The following IQCH variants were observed in gnomAD, a reference collection of about 807,000 sequenced individuals.
IQCH encodes IQ motif containing H, also known as IQ domain-containing protein H.
A neutral mutation model predicts 117.0 loss-of-function variants in IQCH; 98 were observed. The observed-to-expected ratio is 0.84, with a 90% CI of 0.71 to 0.99. IQCH has a LOEUF of 0.99. Ranked by LOEUF, IQCH falls within the 50% of genes least tolerant of loss-of-function variation. The probability of loss-of-function intolerance (pLI) is 0.00; values close to 1 mark genes in which losing one functional copy is unlikely to be tolerated. For missense variants in IQCH, 1,102 were observed against 1,243.8 expected (o/e 0.89, Z 1.72); for synonymous variants, 412 against 448.2 (o/e 0.92, Z 1.02).
At chr15:67,315,471 T>A (rs1204912393) in intron 4 of IQCH, among the ~76,000 whole-genome samples, 3 of 152,176 alleles carry the variant, frequency 2.0e-5, no homozygotes, top group African/African-American at 7.2e-5. Context: ...TACTATCTGC[T>A]TGGGGTTGAC....
intron 20 of IQCH, among the ~76,000 whole-genome samples, chr15:67,495,500 T>C (rs2083780861): frequency 6.6e-6 from 1 of 152,240 alleles, no homozygotes; most frequent in South Asian, 2.1e-4. Context: ...TTGCCCAGCC[T>C]ATCATTTACA....
At chr15:67,452,249 G>A (rs1384207401) in intron 16 of IQCH, among the ~76,000 whole-genome samples, 1 of 152,200 alleles carries the variant, frequency 6.6e-6, no homozygotes, top group African/African-American at 2.4e-5. Flanking sequence ...TGTTAGGTGT[G>A]AATTCAATCC....
chr15:67,363,284 G>A (rs1404087944), intron 8 of IQCH, among the ~76,000 whole-genome samples: 4 of 148,398 alleles, frequency 2.7e-5, no homozygotes, highest in Non-Finnish European at 5.9e-5. Context: ...CACCCAGGTG[G>A]GAGTGCAGTG....
At position 67,385,542 on chromosome 15, in the gene IQCH, T is replaced by A. The variant is rs1167193380; in HGVS notation, c.1456+523T>A. 6.6e-6 allele frequency among the ~76,000 whole-genome samples: 1 copy of A among 152,166 alleles called. No homozygotes were observed. The highest frequency in any genetic ancestry group is 1.9e-4 in the East Asian group (1 of 5,200). ...GCTTAATGGAGGGAATTTTTAGAAA[T>A]ACAGACCTTGATTCAGTGATGTATA... On this transcript the variant is annotated intron_variant, in intron 11 of 20. Transcript: ENST00000335894. This position sits in a 1 kb window ranked among gnomAD's most constrained non-coding sequence, Gnocchi z 4.6.
intron 4 of IQCH, among the ~76,000 whole-genome samples, chr15:67,285,738 G>A (rs1208520944): frequency 6.6e-6 from 1 of 151,924 alleles, no homozygotes; most frequent in African/African-American, 2.4e-5. Flanking sequence ...TTTTTGTCAG[G>A]TTTGTCAAAG....
intron 3 of IQCH, among the ~76,000 whole-genome samples, chr15:67,268,913 A>C (rs1319311594): frequency 2.7e-5 from 4 of 148,676 alleles, no homozygotes; most frequent in Non-Finnish European, 6.0e-5. Context: ...AAACAAAAAA[A>C]CAAACTTTTA....
rs1407412910 is a variant in IQCH at position 67,490,426 on chromosome 15, G to A, written c.2861+362G>A. Among the ~76,000 whole-genome samples the A allele has an allele frequency of 3.3e-5, 5 of 152,034 alleles. No individual in the cohort carries two copies. The East Asian group carries it at 5.8e-4, about 18-fold the overall frequency. On this transcript the variant is annotated intron_variant, in intron 19 of 20. Coordinates refer to ENST00000335894, the MANE Select transcript of IQCH (RefSeq NM_001031715.3). The surrounding 1 kb of genome is among the most constrained non-coding windows in gnomAD (Gnocchi z 4.9). The stretch of plus-strand genomic sequence containing the variant: ...TCATCATGTTGGCCAGGATGGTCTC[G>A]ATCTCTTGACCTCGTGATGCACCCA...
At position 67,373,149 on chromosome 15, in the gene IQCH, TTC is replaced by T. The variant is rs1252412128; in HGVS notation, c.1306-216_1306-215del. Reference sequence around the variant, plus strand: ...TTGCTTTCTCTTTTTTTCATTCATATTCTGTTAATTAAGTGAGCTGCCTCTAA... The same window carrying T: ...TTGCTTTCTCTTTTTTTCATTCATATTGTTAATTAAGTGAGCTGCCTCTAA... On this transcript the variant is annotated intron_variant, in intron 9 of 20. Transcript: ENST00000335894. 2.0e-5 allele frequency among the ~76,000 whole-genome samples: 3 copies of T among 152,210 alleles called. No homozygotes were observed. In the East Asian group the frequency reaches 5.8e-4, roughly 29 times the overall value.
At position 67,395,373 on chromosome 15, in the gene IQCH, A is replaced by G; in HGVS notation, c.1715A>G (p.Glu572Gly). Residue 572 changes from glutamate (E) to glycine (G), a missense_variant, in exon 13 of 21, where the codon GAG (glutamate) becomes GGG (glycine). Transcript: ENST00000335894. The surrounding 1 kb of genome is among the most constrained non-coding windows in gnomAD (Gnocchi z 4.0). ...ATAAAAAATCTCATCCGAGGAACAG[A>G]GGCCTACATCGTCAGCGGGCTCCTC... ...KRIKNLIRGT[E>G]AYIVSGLLHR... 1 of 1,614,098 alleles carries G rather than the reference A, an allele frequency of 6.2e-7. No homozygotes were observed. Among genetic ancestry groups the G allele is most frequent in the Non-Finnish European group, 8.5e-7 (1 of 1,179,982 alleles).
chr15:67,279,033 C>T lies in IQCH; in HGVS notation c.270-362C>T, dbSNP rs192436214. 1.6e-3 allele frequency among the ~76,000 whole-genome samples: 250 copies of T among 152,114 alleles called. 1 individual carries two copies. Among genetic ancestry groups the T allele is most frequent in the Non-Finnish European group, 1.8e-3 (119 of 67,980 alleles). ...GGACCATCATTTTGTATATATTTAA[C>T]GTTGGTTATACTGTAATTTGATTTT... is the stretch of plus-strand genomic sequence containing the variant. On this transcript the variant is annotated intron_variant, in intron 3 of 20. Transcript: ENST00000335894.
intron 16 of IQCH, among the ~76,000 whole-genome samples, chr15:67,452,786 G>C (rs1449243657): frequency 1.4e-5 from 2 of 140,674 alleles, no homozygotes; most frequent in African/African-American, 5.2e-5. Context: ...TGCTAGATTG[G>C]GGAAGTTCTC....
chr15:67,421,306 C>T lies in IQCH; in HGVS notation c.2234C>T (p.Ala745Val). Residue 745 changes from alanine (A) to valine (V), a missense_variant, in exon 16 of 21, where the codon GCA (alanine) becomes GTA (valine). Physicochemically the swap from Ala to Val is moderately conservative, Grantham distance 64. This residue lies in a region of IQCH where 650 missense variants were observed against 794.3 expected (regional missense o/e 0.82). Transcript: ENST00000335894. ...TTCCCACCAGGGGGTGTGATCGAAGCATTCCCACCTGCAGACAATGTCACC... is the reference window on the plus strand; with the variant it reads ...TTCCCACCAGGGGGTGTGATCGAAGTATTCCCACCTGCAGACAATGTCACC... ...TFLSQGGVIE[A>V]FPPADNVTNL... 1 of 1,613,960 alleles carries T rather than the reference C, an allele frequency of 6.2e-7. No homozygotes were observed. The highest frequency in any genetic ancestry group is 8.5e-7 in the Non-Finnish European group (1 of 1,179,892).
rs1009153116 is a variant in IQCH at position 67,473,053 on chromosome 15, C to T, written c.2677-2643C>T. 1.3e-5 allele frequency among the ~76,000 whole-genome samples: 2 copies of T among 152,204 alleles called. No homozygotes were observed. The highest frequency in any genetic ancestry group is 2.4e-5 in the African/African-American group (1 of 41,440). ...CTACCACATGCCTGCCTGCCTACCT[C>T]TCTTGCTGGCTGGGGTCTGGTCTTG... On this transcript the variant is annotated intron_variant, in intron 17 of 20. Transcript: ENST00000335894. This position sits in a 1 kb window ranked among gnomAD's most constrained non-coding sequence, Gnocchi z 4.9.
At chr15:67,273,602 T>A (rs531033949) in intron 3 of IQCH, among the ~76,000 whole-genome samples, 8 of 152,362 alleles carry the variant, frequency 5.3e-5, no homozygotes, top group African/African-American at 1.9e-4. Flanking sequence ...GGTCTCACCT[T>A]ACATAGTTTT....
Position 67,340,445 on chromosome 15 carries a change from A to C in IQCH, c.508+3350A>C, listed in dbSNP as rs1054996436. 3.1e-3 allele frequency among the ~76,000 whole-genome samples: 460 copies of C among 146,944 alleles called. 4 individuals are homozygous for C. Among genetic ancestry groups the C allele is most frequent in the African/African-American group, 3.6e-3 (143 of 39,396 alleles). ...CCATCTCAAAAAAAAAAAAAAAAAA[A>C]AAAAAAAAAAAAAAAAAAACAGTAA... On this transcript the variant is annotated intron_variant, in intron 5 of 20. Transcript: ENST00000335894.
At chr15:67,298,413 A>G (rs531702984) in intron 4 of IQCH, among the ~76,000 whole-genome samples, 25 of 152,312 alleles carry the variant, frequency 1.6e-4, no homozygotes, top group Admixed American at 5.2e-4. Context: ...AATCAAAACT[A>G]CAATGAGATA....
chr15:67,445,922 T>G lies in IQCH; in HGVS notation c.2506-19205T>G, dbSNP rs2082381284. On this transcript the variant is annotated intron_variant, in intron 16 of 20. Transcript: ENST00000335894. The surrounding 1 kb of genome is among the most constrained non-coding windows in gnomAD (Gnocchi z 4.3). ...GAAGAACATGGAGTTTCCCTATCAT[T>G]GGCAGTTACCACCAAGGAGGACAAC... 1.3e-5 allele frequency among the ~76,000 whole-genome samples: 2 copies of G among 152,210 alleles called. No homozygotes were observed. Among genetic ancestry groups the G allele is most frequent in the Non-Finnish European group, 2.9e-5 (2 of 68,042 alleles).
At chr15:67,394,326 TC>T (rs1292426444) in intron 12 of IQCH, among the ~76,000 whole-genome samples, 3 of 152,166 alleles carry the variant, frequency 2.0e-5, no homozygotes, top group Non-Finnish European at 4.4e-5. Flanking sequence ...TCTCATTTAA[TC>T]CTTACAGCAT....
intron 16 of IQCH, among the ~76,000 whole-genome samples, chr15:67,448,479 GT>G (rs2082441929): frequency 6.7e-6 from 1 of 149,768 alleles, no homozygotes; most frequent in African/African-American, 2.5e-5. Flanking sequence ...GCAGTGTTTG[GT>G]TTTTTGTCCT....
Sources: gnomAD v4.1 joint callset for allele counts (sites outside exome capture counted in the v4.1 genomes callset) on GRCh38, gnomAD v4.1.1 for gene constraint, gnomAD v4.1.1 regional missense constraint, Gnocchi (gnomAD v3.1) non-coding constraint, MANE v1.5 for transcripts, NCBI Gene and HGNC (gene_info 2026-07-23, HGNC 2026-07-21) for gene names.